Variants in ATP11A observed in about 807,000 individuals in gnomAD.
ATP11A encodes ATPase phospholipid transporting 11A.
ATP11A carries 81 observed loss-of-function variants against 154.4 expected under a neutral mutation model. The ratio of observed to expected loss-of-function variants is 0.52; its 90% CI spans 0.44 to 0.63. The LOEUF (loss-of-function observed/expected upper bound fraction) is 0.63, where lower values mean the gene tolerates loss of function less well. ATP11A is among the 30% of genes least tolerant of loss of function. ATP11A has a pLI of 0.00. For missense variants in ATP11A, 1,316 were observed against 1,474.3 expected (o/e 0.89, Z 1.76); for synonymous variants, 623 against 585.9 (o/e 1.06, Z -0.91).
rs950048166 is a variant in ATP11A at position 112,882,473 on chromosome 13, C to G, written c.*607C>G. On this transcript the variant is annotated 3_prime_UTR_variant, in exon 30 of 30. Coordinates refer to ENST00000375645, the MANE Select transcript of ATP11A (RefSeq NM_015205.3). This position sits in a 1 kb window ranked among gnomAD's most constrained non-coding sequence, Gnocchi z 5.1. ...TGGTGGTGCGTCCTTTACTCAACAA[C>G]CCTCCAATCCGGATGCTGTGGGAAG... 1 of 454,942 alleles carries G rather than the reference C, an allele frequency of 2.2e-6. No homozygotes were observed. The highest frequency in any genetic ancestry group is 3.9e-6 in the Non-Finnish European group (1 of 258,656). The allele number at this position is 454,942 out of a possible 1,614,324, so 28.2% of individuals were successfully genotyped here. A position where few individuals can be genotyped will look rare whatever the true frequency, so the allele number is the denominator to read the frequency against.
At chr13:112,732,518 G>C (rs1278658) in intron 1 of ATP11A, among the ~76,000 whole-genome samples, 37,003 of 151,870 alleles carry the variant, frequency 0.24, 6,022 homozygotes, top group African/African-American at 0.46. Flanking sequence ...GCATCTCTCT[G>C]CATTTTCTCT....
At chr13:112,788,985 G>A (rs761686811) in intron 2 of ATP11A, among the ~76,000 whole-genome samples, 1 of 151,954 alleles carries the variant, frequency 6.6e-6, no homozygotes, top group Non-Finnish European at 1.5e-5. Flanking sequence ...AGACTCCTAT[G>A]TAGACATACT....
chr13:112,827,650 C>T (rs959093744), intron 12 of ATP11A, among the ~76,000 whole-genome samples: 1 of 152,316 alleles, frequency 6.6e-6, no homozygotes, highest in Non-Finnish European at 1.5e-5. Flanking sequence ...TACCAGTAAA[C>T]GGTAATTGGA....
intron 1 of ATP11A, among the ~76,000 whole-genome samples, chr13:112,714,814 T>C (rs1888237667): frequency 6.6e-6 from 1 of 152,166 alleles, no homozygotes; most frequent in Non-Finnish European, 1.5e-5. Flanking sequence ...CAACATCTTG[T>C]CTAGATTTAT....
chr13:112,769,551 A>G (rs543290805), intron 1 of ATP11A, among the ~76,000 whole-genome samples: 27 of 152,324 alleles, frequency 1.8e-4, no homozygotes, highest in African/African-American at 6.0e-4. Context: ...CTGAGTTTAT[A>G]GTTCTCCCAA....
intron 25 of ATP11A, among the ~76,000 whole-genome samples, chr13:112,864,377 C>T (rs550873497): frequency 4.4e-5 from 5 of 114,652 alleles, no homozygotes; most frequent in South Asian, 3.1e-4. Context: ...ATCATCACCA[C>T]GTGCGCCATA....
intron 2 of ATP11A, among the ~76,000 whole-genome samples, chr13:112,786,663 C>T (rs531978480): frequency 2.7e-5 from 4 of 147,686 alleles, no homozygotes; most frequent in East Asian, 2.0e-4. Flanking sequence ...TAATGCGGAA[C>T]GCACGTGCCT....
intron 5 of ATP11A, among the ~76,000 whole-genome samples, chr13:112,811,161 A>AACACTCAC (rs2078485084): frequency 8.7e-6 from 1 of 115,582 alleles, no homozygotes; most frequent in Non-Finnish European, 1.7e-5. Context: ...TGCCCCTTCC[A>AACACTCAC]ACACACACAC....
intron 1 of ATP11A, among the ~76,000 whole-genome samples, chr13:112,702,200 G>T (rs1444478344): frequency 6.6e-6 from 1 of 151,886 alleles, no homozygotes; most frequent in African/African-American, 2.4e-5. Context: ...ACAAAAATTA[G>T]CTGGGCATCG....
chr13:112,814,803 T>G lies in ATP11A; in HGVS notation c.442-1280T>G, dbSNP rs148185447. ...GGGATACGTATTCCTTCCCCCTCAATCTTCTTTTTCAAGGTTGTTTTAGCT... is the reference window on the plus strand; with the variant it reads ...GGGATACGTATTCCTTCCCCCTCAAGCTTCTTTTTCAAGGTTGTTTTAGCT... On this transcript the variant is annotated intron_variant, in intron 5 of 29. Coordinates refer to ENST00000375645, the MANE Select transcript of ATP11A (RefSeq NM_015205.3). Among the ~76,000 whole-genome samples, 1,152 of 152,318 alleles carry G rather than the reference T, an allele frequency of 7.6e-3. 10 individuals are homozygous for G. The highest frequency in any genetic ancestry group is 0.017 in the Middle Eastern group (5 of 294).
chr13:112,867,146 TC>T (rs373882536), intron 25 of ATP11A, among the ~76,000 whole-genome samples: 14 of 152,194 alleles, frequency 9.2e-5, no homozygotes, highest in African/African-American at 2.9e-4. Flanking sequence ...GTCCCCTTTT[TC>T]CCACACTTGA....
chr13:112,824,129 A>C (rs2078870865), intron 9 of ATP11A, among the ~76,000 whole-genome samples: 1 of 152,168 alleles, frequency 6.6e-6, no homozygotes, highest in South Asian at 2.1e-4. Flanking sequence ...TGAACTCTTA[A>C]AAAATGAAGC....
Position 112,859,084 on chromosome 13 carries a change from G to C in ATP11A, c.2668-309G>C, listed in dbSNP as rs889805251. On this transcript the variant is annotated intron_variant, in intron 22 of 29. Transcript: ENST00000375645. This position sits in a 1 kb window ranked among gnomAD's most constrained non-coding sequence, Gnocchi z 4.3. Reference sequence around the variant, plus strand: ...CTTTCAGGTGGAAATGTTTGAGGAAGGATTCCTTATTCACTGTGCAGTTCG... The same window carrying C: ...CTTTCAGGTGGAAATGTTTGAGGAACGATTCCTTATTCACTGTGCAGTTCG... 8 of 314,074 alleles carry C rather than the reference G, an allele frequency of 2.5e-5. No homozygotes were observed. The highest frequency in any genetic ancestry group is 1.7e-4 in the African/African-American group (8 of 45,754). 19.5% of individuals were successfully genotyped at this position (314,074 alleles called of 1,614,324 possible). A position where few individuals can be genotyped will look rare whatever the true frequency, so the allele number is the denominator to read the frequency against.
intron 1 of ATP11A, among the ~76,000 whole-genome samples, chr13:112,710,997 C>G (rs1345924002): frequency 8.1e-5 from 10 of 123,368 alleles, no homozygotes; most frequent in African/African-American, 3.0e-4. Flanking sequence ...CTGTTTGAAG[C>G]AGGGACTCGG....
At chr13:112,880,874 C>G (rs1271922080) in intron 29 of ATP11A, 2 of 1,031,234 alleles carry the variant, frequency 1.9e-6, no homozygotes, top group African/African-American at 1.7e-5. Context: ...TGCACACTCA[C>G]CCCACACGCA....
At position 112,841,448 on chromosome 13, in the gene ATP11A, G is replaced by T. The variant is rs183339125; in HGVS notation, c.1706-828G>T. On this transcript the variant is annotated intron_variant, in intron 16 of 29. Coordinates refer to ENST00000375645, the MANE Select transcript of ATP11A (RefSeq NM_015205.3). ...CGTCCAGGGATGCTTCAGGTGCAGA[G>T]GGGGCTCTGTGTGTCGGGAGCACCT... Among the ~76,000 whole-genome samples the T allele has an allele frequency of 7.4e-5, 11 of 149,428 alleles. No individual in the cohort carries two copies. In the East Asian group the frequency reaches 2.2e-3, roughly 30 times the overall value.
intron 17 of ATP11A, among the ~76,000 whole-genome samples, chr13:112,849,070 G>T (rs947037081): frequency 6.6e-6 from 1 of 152,160 alleles, no homozygotes; most frequent in African/African-American, 2.4e-5. Context: ...TCACCAAAAG[G>T]TGCTGGTTTT....
At chr13:112,720,581 C>G (rs1029203143) in intron 1 of ATP11A, among the ~76,000 whole-genome samples, 1 of 151,920 alleles carries the variant, frequency 6.6e-6, no homozygotes, top group Non-Finnish European at 1.5e-5. Context: ...TTTTTTGAGA[C>G]GGAGTCTCGC....
chr13:112,733,679 T>TAA (rs1479225686), intron 1 of ATP11A, among the ~76,000 whole-genome samples: 5 of 152,210 alleles, frequency 3.3e-5, no homozygotes, highest in Admixed American at 2.6e-4. Flanking sequence ...GCACAGAATG[T>TAA]TTTTTCCTTT....
Sources: gnomAD v4.1 joint callset for allele counts (sites outside exome capture counted in the v4.1 genomes callset) on GRCh38, gnomAD v4.1.1 for gene constraint, Gnocchi (gnomAD v3.1) non-coding constraint, MANE v1.5 for transcripts, NCBI Gene and HGNC (gene_info 2026-07-23, HGNC 2026-07-21) for gene names.